Variants in GARIN1B observed in about 807,000 individuals in gnomAD.
The protein encoded by GARIN1B is golgi associated RAB2 interactor 1B, also known as Golgi-associated RAB2 interactor protein 1B.
the GARIN1B span, chr7:128,723,130 T>G: frequency 2.0e-6 from 3 of 1,471,262 alleles, no homozygotes; most frequent in Non-Finnish European, 2.7e-6. Flanking sequence ...GTCTGGACCA[T>G]GATATTAGGA....
the GARIN1B span, chr7:128,716,789 T>C: frequency 5.7e-6 from 9 of 1,582,200 alleles, no homozygotes; most frequent in South Asian, 3.5e-5. Flanking sequence ...AATGCTCAGG[T>C]TGTGCCTGGG....
At chr7:128,719,583 G>T in the GARIN1B span, among the ~76,000 whole-genome samples, 292 of 151,560 alleles carry the variant, frequency 1.9e-3, no homozygotes, top group African/African-American at 6.9e-3. Context: ...ATAGTCTTTT[G>T]TGTCTGGCTT....
the GARIN1B span, chr7:128,714,168 C>G: frequency 6.5e-7 from 1 of 1,532,534 alleles, no homozygotes; most frequent in South Asian, 1.2e-5. Flanking sequence ...TTCTCCCTGA[C>G]TTTATAATGA....
chr7:128,731,052 T>A, the GARIN1B span: 17 of 1,559,024 alleles, frequency 1.1e-5, no homozygotes, highest in Non-Finnish European at 1.4e-5. Flanking sequence ...AAAGAGCTTT[T>A]TAGGTAATTT....
At chr7:128,724,641 A>G in the GARIN1B span, 2 of 1,044,610 alleles carry the variant, frequency 1.9e-6, no homozygotes, top group Admixed American at 6.0e-5. Context: ...AGTCCCAGAT[A>G]AAGTGGGATC....
chr7:128,713,996 A>C, the GARIN1B span: 1 of 1,530,578 alleles, frequency 6.5e-7, no homozygotes, highest in East Asian at 2.5e-5. Flanking sequence ...CCATGAAGAC[A>C]CTTTTCCTAC....
the GARIN1B span, among the ~76,000 whole-genome samples, chr7:128,722,855 A>C: frequency 6.6e-6 from 1 of 152,152 alleles, no homozygotes; most frequent in Admixed American, 6.6e-5. Flanking sequence ...TGATTCCCCT[A>C]CATTTAAGTA....
At chr7:128,723,645 G>A in the GARIN1B span, among the ~76,000 whole-genome samples, 2 of 151,824 alleles carry the variant, frequency 1.3e-5, no homozygotes, top group South Asian at 4.2e-4. Flanking sequence ...GAGTAGCTGG[G>A]ACTACAGGCA....
At chr7:128,720,419 C>T in the GARIN1B span, among the ~76,000 whole-genome samples, 11 of 151,936 alleles carry the variant, frequency 7.2e-5, no homozygotes, top group Non-Finnish European at 1.2e-4. Context: ...AGGCTAGTCT[C>T]GAACTCCTGA....
the GARIN1B span, chr7:128,726,713 A>G: frequency 1.0e-6 from 1 of 1,003,240 alleles, no homozygotes; most frequent in African/African-American, 1.7e-5. Flanking sequence ...TTTCATATTT[A>G]TATCTGTCTC....
At chr7:128,718,935 C>G in the GARIN1B span, 3 of 1,614,228 alleles carry the variant, frequency 1.9e-6, no homozygotes, top group Non-Finnish European at 1.7e-6. Flanking sequence ...AAGCTCCATC[C>G]TGACCATCCT....
At chr7:128,724,030 G>T in the GARIN1B span, among the ~76,000 whole-genome samples, 1 of 152,060 alleles carries the variant, frequency 6.6e-6, no homozygotes, top group African/African-American at 2.4e-5. Flanking sequence ...GTTTACGTGA[G>T]ACAAGAGTCT....
chr7:128,718,843 G>C, the GARIN1B span: 1 of 1,613,738 alleles, frequency 6.2e-7, no homozygotes, highest in African/African-American at 1.3e-5. Context: ...TTCTCCCATT[G>C]AGGTTTGTGG....
the GARIN1B span, chr7:128,718,953 T>C: frequency 6.2e-7 from 1 of 1,614,218 alleles, no homozygotes; most frequent in Non-Finnish European, 8.5e-7. Context: ...CCTGAGACTG[T>C]CTTCCACTTC....
chr7:128,711,501 A>G, the GARIN1B span, among the ~76,000 whole-genome samples: 1 of 152,192 alleles, frequency 6.6e-6, no homozygotes, highest in South Asian at 2.1e-4. Flanking sequence ...AGCTGTAGTA[A>G]TAATTTTGGT....
the GARIN1B span, among the ~76,000 whole-genome samples, chr7:128,709,550 A>G: frequency 2.0e-5 from 3 of 152,036 alleles, no homozygotes; most frequent in Admixed American, 1.3e-4. Context: ...TTCTTTCTCC[A>G]TTGTTTCATT....
chr7:128,718,936 TGACCATCCTGA>T, the GARIN1B span: 1 of 1,614,238 alleles, frequency 6.2e-7, no homozygotes. Flanking sequence ...AGCTCCATCC[TGACCATCCTGA>T]GACTGTCTTC....
At chr7:128,715,574 G>T in the GARIN1B span, 1 of 1,614,164 alleles carries the variant, frequency 6.2e-7, no homozygotes. Context: ...TGTGGATGGA[G>T]AGCCGAACCC....
At chr7:128,724,762 A>G in the GARIN1B span, 1 of 1,289,658 alleles carries the variant, frequency 7.8e-7, no homozygotes, top group Non-Finnish European at 1.0e-6. Context: ...GAATTTTGTC[A>G]CAACAGGAAC....
Sources: allele counts gnomAD v4.1 joint callset (sites outside exome capture counted in the v4.1 genomes callset), GRCh38; gene constraint gnomAD v4.1.1; transcripts MANE v1.5; gene names NCBI Gene and HGNC (gene_info 2026-07-23, HGNC 2026-07-21).